HTRA4: variants seen among roughly 807,000 people sequenced by gnomAD.
The protein encoded by HTRA4 is HtrA serine peptidase 4.
Under a neutral mutation model 49.1 loss-of-function variants are expected in HTRA4, and 46 were observed. That is an observed-to-expected ratio of 0.94 (90% CI 0.74 to 1.20). The LOEUF is 1.20. Ranked by LOEUF, HTRA4 falls within the 50% of genes most tolerant of loss-of-function variation. The pLI, the probability that HTRA4 is intolerant of heterozygous loss-of-function variation, is 0.00. For missense variants in HTRA4, 602 were observed against 636.9 expected (o/e 0.95, Z 0.59); for synonymous variants, 261 against 264.0 (o/e 0.99, Z 0.11).
intron 5 of HTRA4, 66 bp downstream of exon 5, chr8:38,979,313 G>A: frequency 1.4e-6 from 2 of 1,453,460 alleles, no homozygotes; most frequent in Middle Eastern, 3.5e-4. Flanking sequence ...ATTAATTCCA[G>A]GCCAGGGGTG....
At position 38,983,104 on chromosome 8, in the gene HTRA4, T is replaced by C. The variant is rs1460229611; in HGVS notation, c.1268+56T>C. Reference sequence around the variant, plus strand: ...CTTTGCTTTTTCTAAATGTGTGCCATGGTAAAATGCATGGGGGATCCAGAC... The same window carrying C: ...CTTTGCTTTTTCTAAATGTGTGCCACGGTAAAATGCATGGGGGATCCAGAC... On this transcript the variant is annotated intron_variant, in intron 8 of 8. Coordinates refer to ENST00000302495, the MANE Select transcript of HTRA4 (RefSeq NM_153692.4). The C allele has an allele frequency of 3.4e-6, 4 of 1,164,254 alleles. No homozygotes were observed. In the African/African-American group the frequency reaches 4.6e-5, roughly 13 times the overall value. The allele number at this position is 1,164,254 out of a possible 1,614,324, so 72.1% of individuals were successfully genotyped here. A position where few individuals can be genotyped will look rare whatever the true frequency, so the allele number is the denominator to read the frequency against.
intron 5 of HTRA4, among the ~76,000 whole-genome samples, chr8:38,981,067 T>TG: frequency 2.4e-5 from 1 of 41,644 alleles, no homozygotes; most frequent in Admixed American, 2.6e-4. Context: ...GCTTAAGTTT[T>TG]TTTTTTTTTT....
Position 38,974,389 on chromosome 8 carries a change from G to A in HTRA4, c.126G>A (p.Ala42=), listed in dbSNP as rs776218670. The change falls in exon 1 of 9, where the codon GCG becomes GCA. Residue 42 remains alanine (A), a synonymous_variant. Transcript: ENST00000302495. ...EKLHTQPSCP[A]VCQPTRCPAL... is the part of the protein sequence containing the mutation. ...TACATACCCAGCCCTCCTGCCCCGC[G>A]GTCTGCCAGCCCACGCGCTGCCCCG... The A allele has an allele frequency of 1.3e-6, 2 of 1,572,502 alleles. No individual in the cohort carries two copies. The highest frequency in any genetic ancestry group is 1.3e-5 in the African/African-American group (1 of 74,192).
At chr8:38,978,209 C>A in intron 4 of HTRA4, 62 bp downstream of exon 4, 1 of 1,404,324 alleles carries the variant, frequency 7.1e-7, no homozygotes, top group Non-Finnish European at 9.6e-7. Context: ...GGTCCATGGC[C>A]TGTTAGGAAC....
chr8:38,985,979 C>G (rs1247723578), intron 8 of HTRA4, among the ~76,000 whole-genome samples: 1 of 152,130 alleles, frequency 6.6e-6, no homozygotes, highest in Non-Finnish European at 1.5e-5. Context: ...TTGAGACCAG[C>G]CTGAGCAACA....
chr8:38,984,871 A>G (rs543619089), intron 8 of HTRA4, among the ~76,000 whole-genome samples: 1 of 152,166 alleles, frequency 6.6e-6, no homozygotes, highest in African/African-American at 2.4e-5. Flanking sequence ...AGCTGTGCTC[A>G]TGCCACTGCA....
At chr8:38,986,942 T>C (rs1014374024) in intron 8 of HTRA4, among the ~76,000 whole-genome samples, 1 of 152,246 alleles carries the variant, frequency 6.6e-6, no homozygotes, top group African/African-American at 2.4e-5. Context: ...TTTTCTCTTT[T>C]CTGACTCACA....
chr8:38,987,889 ATTC>A (rs1489625898), intron 8 of HTRA4, 44 bp from the exon 9 acceptor site: 1 of 1,478,326 alleles, frequency 6.8e-7, no homozygotes, highest in Middle Eastern at 1.8e-4. Flanking sequence ...GATAAGTAAA[ATTC>A]TTGTTATAGT....
rs61744625 is a variant in HTRA4 at position 38,978,042 on chromosome 8, G to A, written c.861G>A (p.Gln287=). Residue 287 remains glutamine, a synonymous_variant, in exon 4 of 9, where the codon CAG becomes CAA. Transcript: ENST00000302495. ...CTTTGGGCAGCCCATTTTCTCTGCA[G>A]AACACAGCTACTGCAGGAATTGTCA... is the stretch of plus-strand genomic sequence containing the variant. The part of the protein sequence containing the change: ...VVALGSPFSL[Q]NTATAGIVST... 1.9e-3 allele frequency: 3,041 copies of A among 1,614,154 alleles called. 51 individuals are homozygous for A. In the African/African-American group the frequency reaches 0.037, roughly 19 times the overall value.
Position 38,976,565 on chromosome 8 carries a change from G to A in HTRA4, c.597G>A (p.Val199=). The change falls in exon 3 of 9, where the codon GTG becomes GTA. Residue 199 remains valine (V), a synonymous_variant. Coordinates refer to ENST00000302495, the MANE Select transcript of HTRA4 (RefSeq NM_153692.4). ...RLLHGSRLVP[V]YSGSGFIVSE... The stretch of plus-strand genomic sequence containing the variant: ...TTCACGGCAGCAGGCTTGTTCCTGT[G>A]TACAGTGGCTCTGGGTTCATAGTGT... 2 of 1,614,038 alleles carry A rather than the reference G, an allele frequency of 1.2e-6. No individual in the cohort carries two copies. The highest frequency in any genetic ancestry group is 1.7e-6 in the Non-Finnish European group (2 of 1,180,028).
chr8:38,975,545 A>C lies in HTRA4; in HGVS notation c.566+415A>C, dbSNP rs543503092. On this transcript the variant is annotated intron_variant, in intron 2 of 8. Coordinates refer to ENST00000302495, the MANE Select transcript of HTRA4 (RefSeq NM_153692.4). Reference sequence around the variant, plus strand: ...CAACCCAGCCTCTGGAGTAACTGGGACTATAGGCAGGTGCCACCATACCCA... The same window carrying C: ...CAACCCAGCCTCTGGAGTAACTGGGCCTATAGGCAGGTGCCACCATACCCA... Among the ~76,000 whole-genome samples, 9 of 152,238 alleles carry C rather than the reference A, an allele frequency of 5.9e-5. No homozygotes were observed. The East Asian group carries it at 1.7e-3, about 29-fold the overall frequency.
intron 5 of HTRA4, among the ~76,000 whole-genome samples, chr8:38,980,395 G>T (rs371233726): frequency 6.6e-6 from 1 of 151,698 alleles, no homozygotes; most frequent in South Asian, 2.1e-4. Context: ...CCATACCCCC[G>T]ACCTACTGAA....
chr8:38,985,622 C>A (rs1460025240), intron 8 of HTRA4, among the ~76,000 whole-genome samples: 1 of 152,148 alleles, frequency 6.6e-6, no homozygotes, highest in Non-Finnish European at 1.5e-5. Context: ...TTGGCTTGTC[C>A]CTGGTTTCTC....
At chr8:38,982,818 C>T in intron 7 of HTRA4, 135 bp from the exon 8 acceptor site, 1 of 659,362 alleles carries the variant, frequency 1.5e-6, no homozygotes, top group Non-Finnish European at 2.6e-6. Context: ...AGGAGAATGA[C>T]TGTGATTAGC....
rs771671592 is a variant in HTRA4 at position 38,975,105 on chromosome 8, G to A, written c.541G>A (p.Val181Met). The change falls in exon 2 of 9, where the codon GTG (valine) becomes ATG (methionine). Residue 181 changes from valine to methionine, a missense_variant. Coordinates refer to ENST00000302495, the MANE Select transcript of HTRA4 (RefSeq NM_153692.4). Reference sequence around the variant, plus strand: ...GGTGGTGGAGAAGGTGGCGCCATCGGTGGTTCACGTGCAGCTGTGGGGCAG... The same window carrying A: ...GGTGGTGGAGAAGGTGGCGCCATCGATGGTTCACGTGCAGCTGTGGGGCAG... ...AAVVEKVAPS[V>M]VHVQLWGRLL... is the part of the protein sequence containing the mutation. 1 of 1,613,852 alleles carries A rather than the reference G, an allele frequency of 6.2e-7. No individual in the cohort carries two copies. The highest frequency in any genetic ancestry group is 1.7e-5 in the Admixed American group (1 of 60,026).
Position 38,974,305 on chromosome 8 carries a change from C to T in HTRA4, c.42C>T (p.Cys14=). Reference sequence around the variant, plus strand: ...TGCGGACCGCGGGGCTGGGACGATGCCTCCTGCCGGGGCTGCTGCTGCTCC... The same window carrying T: ...TGCGGACCGCGGGGCTGGGACGATGTCTCCTGCCGGGGCTGCTGCTGCTCC... ...PQLRTAGLGR[C]LLPGLLLLLV... The change falls in exon 1 of 9, where the codon TGC becomes TGT. Residue 14 remains cysteine, a synonymous_variant. Transcript: ENST00000302495. The T allele has an allele frequency of 6.2e-7, 1 of 1,612,542 alleles. No homozygotes were observed. Among genetic ancestry groups the T allele is most frequent in the South Asian group, 1.1e-5 (1 of 90,784 alleles).
intron 8 of HTRA4, among the ~76,000 whole-genome samples, chr8:38,983,257 C>T (rs1243445596): frequency 6.6e-6 from 1 of 152,154 alleles, no homozygotes; most frequent in East Asian, 1.9e-4. Context: ...AAAACCCAGG[C>T]CAGGTGCAGT....
intron 6 of HTRA4, 131 bp downstream of exon 6, chr8:38,981,898 A>T (rs1835428961): frequency 1.5e-6 from 1 of 658,110 alleles, no homozygotes; most frequent in Non-Finnish European, 2.6e-6. Flanking sequence ...TCCAGGTTGG[A>T]GTGCAGTGGC....
In HTRA4 at chr8:38,977,824, C is replaced by T. The variant is rs561225827; in HGVS notation, c.772-129C>T. The T allele has an allele frequency of 8.2e-5, 68 of 828,546 alleles. 1 individual carries two copies. The South Asian group carries it at 1.2e-3, about 15-fold the overall frequency. The allele number at this position is 828,546 out of a possible 1,614,324, so 51.3% of individuals were successfully genotyped here. ...ATAGAAGCTGTGTGAGTGGGTGCTT[C>T]TCAGGTGGTAAGGGCCAAGGTGATA... is the stretch of plus-strand genomic sequence containing the variant. On this transcript the variant is annotated intron_variant, in intron 3 of 8. Transcript: ENST00000302495.
Sources: allele counts gnomAD v4.1 joint callset (sites outside exome capture counted in the v4.1 genomes callset), GRCh38; gene constraint gnomAD v4.1.1; transcripts MANE v1.5; gene names NCBI Gene and HGNC (gene_info 2026-07-23, HGNC 2026-07-21).